DIAPH3: variants seen among roughly 807,000 people sequenced by gnomAD.
DIAPH3 encodes the protein diaphanous related formin 3, also known as protein diaphanous homolog 3.
Under a neutral mutation model 144.3 loss-of-function variants are expected in DIAPH3, and 117 were observed. The ratio of observed to expected loss-of-function variants is 0.81; its 90% confidence interval spans 0.70 to 0.95. DIAPH3 has a LOEUF of 0.95. DIAPH3 is among the 40% of genes least tolerant of loss of function. The probability of loss-of-function intolerance (pLI) is 0.00; values close to 1 mark genes in which losing one functional copy is unlikely to be tolerated. For missense variants in DIAPH3, 1,421 were observed against 1,412.7 expected (o/e 1.01, Z -0.09); for synonymous variants, 519 against 488.9 (o/e 1.06, Z -0.81).
At chr13:60,018,018 T>A (rs963209505) in intron 5 of DIAPH3, among the ~76,000 whole-genome samples, 1 of 152,234 alleles carries the variant, frequency 6.6e-6, no homozygotes, top group African/African-American at 2.4e-5. Flanking sequence ...TTTATTCCTA[T>A]TTCACATGCA....
At chr13:59,975,160 T>C (rs1318715898) in intron 14 of DIAPH3, among the ~76,000 whole-genome samples, 1 of 151,682 alleles carries the variant, frequency 6.6e-6, no homozygotes, top group Non-Finnish European at 1.5e-5. Flanking sequence ...ACTAAAAACC[T>C]CCTTTTTGCT....
In DIAPH3 at chr13:60,163,864, C is replaced by T. The variant is rs762255819; in HGVS notation, c.-98G>A. On this transcript the variant is annotated 5_prime_UTR_variant, in exon 1 of 28. Transcript: ENST00000400324. Reference sequence around the variant, plus strand: ...GACAACAGGTTTTACTCCCGGGGTCCGCCACCCAAACAGTCAGCACAGCCT... The same window carrying T: ...GACAACAGGTTTTACTCCCGGGGTCTGCCACCCAAACAGTCAGCACAGCCT... 66 of 1,269,584 alleles carry T rather than the reference C, an allele frequency of 5.2e-5. No homozygotes were observed. The highest frequency in any genetic ancestry group is 6.7e-5 in the Non-Finnish European group (64 of 961,596). The allele number at this position is 1,269,584 out of a possible 1,614,324, so 78.6% of individuals were successfully genotyped here.
chr13:59,833,111 A>G lies in DIAPH3; in HGVS notation c.3023T>C (p.Phe1008Ser). ...AAAACAATTTTTTTACCATACCATG[A>G]ATGTGGTTCTGAAGTTATTCAGGTC... ...LTDLNNFRTT[F>S]MQAIKENIKK... The change falls in exon 24 of 28, where the codon TTC becomes TCC. Residue 1008 changes from phenylalanine to serine, a missense_variant. Phe to Ser is a radical substitution (Grantham distance 155). Transcript: ENST00000400324. 6.2e-7 allele frequency: 1 copy of G among 1,608,402 alleles called. No individual in the cohort carries two copies. The highest frequency in any genetic ancestry group is 1.1e-5 in the South Asian group (1 of 90,150).
rs1303802645 is a variant in DIAPH3, at chr13:59,865,847, C to G, written c.2608-4311G>C. Among the ~76,000 whole-genome samples, 10 of 151,800 alleles carry G rather than the reference C, an allele frequency of 6.6e-5. No individual in the cohort carries two copies. In the South Asian group the frequency reaches 1.7e-3, roughly 25 times the overall value. ...ACATGGTAATAATTTAAATTTAAAC[C>G]CTAAAATAAAAACTAAGCATCTTCG... is the stretch of plus-strand genomic sequence containing the variant. On this transcript the variant is annotated intron_variant, in intron 21 of 27. Coordinates refer to ENST00000400324, the MANE Select transcript of DIAPH3 (RefSeq NM_001042517.2).
chr13:59,781,721 G>A (rs1300718778), intron 25 of DIAPH3, among the ~76,000 whole-genome samples: 2 of 152,202 alleles, frequency 1.3e-5, no homozygotes, highest in African/African-American at 2.4e-5. Context: ...CAAACTTTTT[G>A]AGAAGTCTCT....
intron 20 of DIAPH3, among the ~76,000 whole-genome samples, chr13:59,895,813 A>G (rs2046061758): frequency 6.6e-6 from 1 of 152,224 alleles, no homozygotes; most frequent in South Asian, 2.1e-4. Flanking sequence ...ATAATGAGCC[A>G]GACGAGGTAG....
At chr13:60,100,111 T>C (rs1238627176) in intron 3 of DIAPH3, among the ~76,000 whole-genome samples, 1 of 152,188 alleles carries the variant, frequency 6.6e-6, no homozygotes, top group African/African-American at 2.4e-5. Flanking sequence ...ACTGTGCAGA[T>C]ATCCTTTTTC....
At chr13:60,035,589 G>T (rs2055155102) in intron 5 of DIAPH3, among the ~76,000 whole-genome samples, 1 of 152,042 alleles carries the variant, frequency 6.6e-6, no homozygotes, top group South Asian at 2.1e-4. Context: ...CTTTTAGAAA[G>T]GACAGCCACA....
chr13:59,856,157 A>G (rs2043242158), intron 22 of DIAPH3, among the ~76,000 whole-genome samples: 1 of 152,190 alleles, frequency 6.6e-6, no homozygotes, highest in East Asian at 1.9e-4. Context: ...CTGATAATTC[A>G]GTTTGTAGAA....
intron 27 of DIAPH3, among the ~76,000 whole-genome samples, chr13:59,759,444 T>C (rs993811668): frequency 2.0e-5 from 3 of 152,184 alleles, no homozygotes; most frequent in Non-Finnish European, 2.9e-5. Flanking sequence ...TTCTAGGAAA[T>C]ATCACATTTC....
intron 17 of DIAPH3, among the ~76,000 whole-genome samples, chr13:59,961,423 G>A (rs535583064): frequency 6.6e-6 from 1 of 152,276 alleles, no homozygotes; most frequent in South Asian, 2.1e-4. Context: ...CCCTCACTTC[G>A]CGTGTATATT....
At chr13:60,154,557 T>A (rs547033822) in intron 1 of DIAPH3, among the ~76,000 whole-genome samples, 1 of 152,312 alleles carries the variant, frequency 6.6e-6, no homozygotes, top group Non-Finnish European at 1.5e-5. Flanking sequence ...ACTAGTAACA[T>A]GAATGTTTCA....
In DIAPH3 at chr13:59,702,518, G is replaced by A. The variant is rs372316039; in HGVS notation, c.3320-35672C>T. 3.2e-3 allele frequency among the ~76,000 whole-genome samples: 488 copies of A among 152,194 alleles called. 2 individuals carry two copies. Among genetic ancestry groups the A allele is most frequent in the South Asian group, 0.031 (148 of 4,810 alleles). Reference sequence around the variant, plus strand: ...TCTGAAAATCAGCTTTAGAACACACGCACACAAACCTTCCCTGACCTTTCA... The same window carrying A: ...TCTGAAAATCAGCTTTAGAACACACACACACAAACCTTCCCTGACCTTTCA... On this transcript the variant is annotated intron_variant, in intron 27 of 27. Transcript: ENST00000400324.
At chr13:60,080,922 T>G (rs145309607) in intron 4 of DIAPH3, among the ~76,000 whole-genome samples, 1 of 151,964 alleles carries the variant, frequency 6.6e-6, no homozygotes, top group Non-Finnish European at 1.5e-5. Context: ...ATGAACTCAA[T>G]TTACATGGAG....
At position 60,035,227 on chromosome 13, in the gene DIAPH3, A is replaced by C. The variant is rs190650056; in HGVS notation, c.626+7463T>G. ...ACGTGTCTGTTAAAAGCAATTAATAAATTTTCCATGTGCTCTTTGTTTACT... is the reference window on the plus strand; with the variant it reads ...ACGTGTCTGTTAAAAGCAATTAATACATTTTCCATGTGCTCTTTGTTTACT... On this transcript the variant is annotated intron_variant, in intron 5 of 27. Transcript: ENST00000400324. Among the ~76,000 whole-genome samples the C allele has an allele frequency of 5.3e-5, 8 of 152,258 alleles. No individual in the cohort carries two copies. The East Asian group carries it at 1.3e-3, about 26-fold the overall frequency.
chr13:60,138,330 T>A lies in DIAPH3; in HGVS notation c.181-5341A>T, dbSNP rs561378569. ...CCCAGGACCACGTGAGAAACCCTAC[T>A]CCATACTCCACCACTATCAGCCATT... is the stretch of plus-strand genomic sequence containing the variant. On this transcript the variant is annotated intron_variant, in intron 1 of 27. Transcript: ENST00000400324. 5.3e-5 allele frequency among the ~76,000 whole-genome samples: 8 copies of A among 152,264 alleles called. No individual in the cohort carries two copies. In the South Asian group the frequency reaches 1.7e-3, roughly 32 times the overall value.
intron 1 of DIAPH3, among the ~76,000 whole-genome samples, chr13:60,156,491 A>AG (rs1423018808): frequency 1.3e-5 from 2 of 152,050 alleles, no homozygotes; most frequent in Non-Finnish European, 2.9e-5. Context: ...AATAATCTTT[A>AG]GGGGGGATGA....
intron 27 of DIAPH3, among the ~76,000 whole-genome samples, chr13:59,761,957 T>C (rs1205322419): frequency 6.6e-6 from 1 of 151,652 alleles, no homozygotes; most frequent in Admixed American, 6.6e-5. Flanking sequence ...TCCTTACAAC[T>C]TGGGTTTCTC....
intron 22 of DIAPH3, among the ~76,000 whole-genome samples, chr13:59,847,522 AG>A (rs1041591107): frequency 1.3e-5 from 2 of 152,120 alleles, no homozygotes; most frequent in African/African-American, 2.4e-5. Context: ...CCCATCTCAA[AG>A]GAAATCATGT....
Sources: gnomAD v4.1 joint callset for allele counts (sites outside exome capture counted in the v4.1 genomes callset) on GRCh38, gnomAD v4.1.1 for gene constraint, MANE v1.5 for transcripts, NCBI Gene and HGNC (gene_info 2026-07-23, HGNC 2026-07-21) for gene names.